Variants in NRXN1 observed in about 807,000 individuals in gnomAD.
NRXN1 encodes neurexin 1.
In NRXN1, 39 loss-of-function variants were observed where a neutral mutation model predicts 150.9. The ratio of observed to expected loss-of-function variants is 0.26; its 90% confidence interval spans 0.20 to 0.34. The LOEUF (loss-of-function observed/expected upper bound fraction) is 0.34, where lower values mean the gene tolerates loss of function less well. Among genes scored for constraint, NRXN1 ranks in the 10% least tolerant of loss-of-function variants. The pLI, the probability that NRXN1 is intolerant of heterozygous loss-of-function variation, is 1.00. For missense variants in NRXN1, 1,815 were observed against 1,949.9 expected, an observed-to-expected ratio of 0.93 and a Z score of 1.30; for synonymous variants, 924 against 757.0, an observed-to-expected ratio of 1.22 and a Z score of -3.62.
intron 5 of NRXN1, among the ~76,000 whole-genome samples, chr2:50,747,506 T>G (rs909689749): frequency 5.9e-5 from 9 of 152,112 alleles, no homozygotes; most frequent in Admixed American, 5.2e-4. Context: ...TCTCTTTCCC[T>G]GGTTTTCTTT....
At chr2:50,135,214 A>G (rs1158962192) in intron 18 of NRXN1, among the ~76,000 whole-genome samples, 1 of 152,198 alleles carries the variant, frequency 6.6e-6, no homozygotes, top group East Asian at 1.9e-4. Context: ...GAGGCACTCT[A>G]CTAGATGCTG....
In NRXN1 at chr2:50,201,896, AT is replaced by A. The variant is rs1229445652; in HGVS notation, c.3546+34892del. On this transcript the variant is annotated intron_variant, in intron 18 of 22. Transcript: ENST00000401669. ...ATTGTTCTTAGTCCATTGGTTTTGT[AT>A]TTCTCCTTTTCCTTACCTGTATTTA... Among the ~76,000 whole-genome samples the A allele has an allele frequency of 3.3e-5, 5 of 152,166 alleles. No individual in the cohort carries two copies. In the East Asian group the frequency reaches 9.7e-4, roughly 29 times the overall value.
intron 15 of NRXN1, among the ~76,000 whole-genome samples, chr2:50,478,399 A>T (rs970916085): frequency 6.6e-6 from 1 of 152,242 alleles, no homozygotes; most frequent in Non-Finnish European, 1.5e-5. Flanking sequence ...TCTAAGTTCA[A>T]GGCTTGTAAA....
intron 9 of NRXN1, among the ~76,000 whole-genome samples, chr2:50,544,480 T>C (rs2093452334): frequency 6.6e-6 from 1 of 152,134 alleles, no homozygotes; most frequent in Non-Finnish European, 1.5e-5. Flanking sequence ...AATATTCCAC[T>C]CTCTGCTTAT....
intron 17 of NRXN1, among the ~76,000 whole-genome samples, chr2:50,307,072 C>A (rs2074687821): frequency 6.6e-6 from 1 of 152,040 alleles, no homozygotes; most frequent in African/African-American, 2.4e-5. Flanking sequence ...GCAACCTCTG[C>A]CTCCCGGGTT....
intron 17 of NRXN1, among the ~76,000 whole-genome samples, chr2:50,242,158 A>C (rs1409901134): frequency 6.6e-6 from 1 of 151,786 alleles, no homozygotes; most frequent in Non-Finnish European, 1.5e-5. Context: ...AGTGAAAGCC[A>C]GGTACCCAGA....
chr2:50,827,031 C>T (rs1208354592), intron 5 of NRXN1, among the ~76,000 whole-genome samples: 1 of 152,142 alleles, frequency 6.6e-6, no homozygotes, highest in African/African-American at 2.4e-5. Context: ...CATGATGCCA[C>T]AGCAGAAAGT....
At chr2:50,379,060 G>A (rs2080740416) in intron 17 of NRXN1, among the ~76,000 whole-genome samples, 1 of 151,890 alleles carries the variant, frequency 6.6e-6, no homozygotes, top group East Asian at 1.9e-4. Flanking sequence ...AAAAACATTT[G>A]TTTAATGAAG....
intron 5 of NRXN1, among the ~76,000 whole-genome samples, chr2:50,712,707 T>G (rs1328998635): frequency 6.6e-6 from 1 of 152,146 alleles, no homozygotes; most frequent in African/African-American, 2.4e-5. Flanking sequence ...AACTCTCATA[T>G]GCAGAATTTA....
intron 17 of NRXN1, among the ~76,000 whole-genome samples, chr2:50,455,956 C>T (rs2087516318): frequency 6.6e-6 from 1 of 152,138 alleles, no homozygotes; most frequent in Non-Finnish European, 1.5e-5. Context: ...CAGATGAGGC[C>T]TTGAAAGCTT....
Position 50,346,566 on chromosome 2 carries a change from ACCCAAATGCACCT to A in NRXN1, c.3365-109609_3365-109597del. 1 of 1,012,530 alleles carries A rather than the reference ACCCAAATGCACCT, an allele frequency of 9.9e-7. No individual in the cohort carries two copies. The highest frequency in any genetic ancestry group is 2.6e-5 in the East Asian group (1 of 38,692). The allele number at this position is 1,012,530 out of a possible 1,614,324, so 62.7% of individuals were successfully genotyped here. On this transcript the variant is annotated intron_variant, in intron 17 of 22. Coordinates refer to ENST00000401669, the MANE Select transcript of NRXN1 (RefSeq NM_001330078.2). This position sits in a 1 kb window ranked among gnomAD's most constrained non-coding sequence, Gnocchi z 5.0. ...GAGATAAGTGGCTCGCACCAAGCAC[ACCCAAATGCACCT>A]CCCTTTTGTCGAGCTCCCATTTCTC...
chr2:50,984,852 T>A (rs1314350986), intron 2 of NRXN1, among the ~76,000 whole-genome samples: 1 of 152,060 alleles, frequency 6.6e-6, no homozygotes, highest in African/African-American at 2.4e-5. Context: ...TAGTTTGTAT[T>A]TACCCCAAAT....
At chr2:50,257,220 A>T (rs980793954) in intron 17 of NRXN1, among the ~76,000 whole-genome samples, 2 of 152,060 alleles carry the variant, frequency 1.3e-5, no homozygotes, top group Admixed American at 1.3e-4. Context: ...ACAGGAGGCT[A>T]CCGATAATCT....
At chr2:50,784,986 G>C (rs956972547) in intron 5 of NRXN1, among the ~76,000 whole-genome samples, 1 of 152,070 alleles carries the variant, frequency 6.6e-6, no homozygotes, top group Non-Finnish European at 1.5e-5. Context: ...ACTGTTTTTG[G>C]AGACTGGGAC....
chr2:50,532,915 A>G (rs2093156679), intron 10 of NRXN1, among the ~76,000 whole-genome samples: 1 of 152,216 alleles, frequency 6.6e-6, no homozygotes, highest in African/African-American at 2.4e-5. Flanking sequence ...CTACTTAATA[A>G]AGAAAAACTA....
intron 5 of NRXN1, among the ~76,000 whole-genome samples, chr2:50,708,521 G>C (rs1234415547): frequency 6.6e-6 from 1 of 152,106 alleles, no homozygotes; most frequent in Non-Finnish European, 1.5e-5. Context: ...AAAGTACCTG[G>C]TAAAAGGCAA....
chr2:50,235,364 A>G (rs944181418), intron 18 of NRXN1, among the ~76,000 whole-genome samples: 5 of 152,066 alleles, frequency 3.3e-5, no homozygotes, highest in African/African-American at 1.2e-4. Flanking sequence ...TTACTTTTCC[A>G]GAGTTCCCCT....
At chr2:50,207,888 T>G (rs1034445072) in intron 18 of NRXN1, among the ~76,000 whole-genome samples, 2 of 152,126 alleles carry the variant, frequency 1.3e-5, no homozygotes, top group Non-Finnish European at 2.9e-5. Context: ...CTTTGTTGTT[T>G]CCATGTAGAG....
intron 5 of NRXN1, among the ~76,000 whole-genome samples, chr2:50,885,380 A>C (rs1183529469): frequency 1.4e-5 from 2 of 142,170 alleles, no homozygotes; most frequent in Non-Finnish European, 3.2e-5. Context: ...GCTAACCATA[A>C]ACTACCAAAA....
Sources: gnomAD v4.1 joint callset for allele counts (sites outside exome capture counted in the v4.1 genomes callset) on GRCh38, gnomAD v4.1.1 for gene constraint, Gnocchi (gnomAD v3.1) non-coding constraint, MANE v1.5 for transcripts, NCBI Gene and HGNC (gene_info 2026-07-23, HGNC 2026-07-21) for gene names.